The following SGCZ variants were observed in gnomAD, a reference collection of about 807,000 sequenced individuals.
SGCZ encodes the protein sarcoglycan zeta.
A neutral mutation model predicts 41.3 loss-of-function variants in SGCZ; 40 were observed. That is an observed-to-expected ratio of 0.97 (90% confidence interval 0.75 to 1.26). The LOEUF is 1.26. SGCZ is among the 50% of genes most tolerant of loss of function. SGCZ has a pLI of 0.00. For synonymous variants in SGCZ, 206 were observed against 137.5 expected (o/e 1.50, Z -3.49); for missense variants, 552 against 369.8 (o/e 1.49, Z -4.04).
At chr8:15,011,895 T>C (rs1325280524) in intron 1 of SGCZ, among the ~76,000 whole-genome samples, 1 of 152,210 alleles carries the variant, frequency 6.6e-6, no homozygotes. Flanking sequence ...AGTTTATTCT[T>C]TTCTCATTTA....
At chr8:14,125,847 A>G (rs1056750232) in intron 5 of SGCZ, among the ~76,000 whole-genome samples, 1 of 152,180 alleles carries the variant, frequency 6.6e-6, no homozygotes, top group Non-Finnish European at 1.5e-5. Flanking sequence ...GATCTTTGAC[A>G]AACCTGACAA....
At chr8:14,253,882 A>G (rs1406834950) in intron 3 of SGCZ, among the ~76,000 whole-genome samples, 1 of 152,114 alleles carries the variant, frequency 6.6e-6, no homozygotes, top group South Asian at 2.1e-4. Flanking sequence ...AAATAACCAT[A>G]GGACTTTCAA....
intron 1 of SGCZ, among the ~76,000 whole-genome samples, chr8:14,671,370 A>G (rs765404162): frequency 1.3e-5 from 2 of 152,196 alleles, no homozygotes; most frequent in African/African-American, 4.8e-5. Flanking sequence ...CCTTTTATTA[A>G]TAGATGGAAT....
intron 1 of SGCZ, among the ~76,000 whole-genome samples, chr8:15,053,805 T>C (rs1804608259): frequency 6.6e-6 from 1 of 152,200 alleles, no homozygotes; most frequent in Non-Finnish European, 1.5e-5. Flanking sequence ...GCAAAAATTC[T>C]GAAGAAATCA....
At chr8:14,162,135 T>C (rs539613459) in intron 5 of SGCZ, among the ~76,000 whole-genome samples, 4 of 152,222 alleles carry the variant, frequency 2.6e-5, no homozygotes, top group African/African-American at 9.6e-5. Flanking sequence ...AGAAAATGAA[T>C]GTGACCATCT....
chr8:14,722,998 T>A (rs932756888), intron 1 of SGCZ, among the ~76,000 whole-genome samples: 1 of 152,180 alleles, frequency 6.6e-6, no homozygotes, highest in South Asian at 2.1e-4. Flanking sequence ...GTCACGCAGA[T>A]TCTAATTTCA....
chr8:14,445,934 C>T (rs562645686), intron 2 of SGCZ, among the ~76,000 whole-genome samples: 14 of 152,284 alleles, frequency 9.2e-5, no homozygotes, highest in African/African-American at 2.4e-4. Context: ...ATGAAGCTTG[C>T]TCCTGCTGGA....
chr8:14,108,013 A>G lies in SGCZ; in HGVS notation c.620+150T>C, dbSNP rs1048625737. The G allele has an allele frequency of 8.9e-6, 6 of 673,868 alleles. No individual in the cohort carries two copies. In the African/African-American group the frequency reaches 9.2e-5, roughly 10 times the overall value. The allele number at this position is 673,868 out of a possible 1,614,324, so 41.7% of individuals were successfully genotyped here. On this transcript the variant is annotated intron_variant, in intron 6 of 7. Coordinates refer to ENST00000382080, the MANE Select transcript of SGCZ (RefSeq NM_139167.4). Reference sequence around the variant, plus strand: ...GCCTTTGCCTTTTCTTTTTTTTTCCACATTCTTCCTATCTAATATATTCAT... The same window carrying G: ...GCCTTTGCCTTTTCTTTTTTTTTCCGCATTCTTCCTATCTAATATATTCAT...
intron 1 of SGCZ, among the ~76,000 whole-genome samples, chr8:14,773,332 T>A (rs1800306555): frequency 6.6e-6 from 1 of 152,178 alleles, no homozygotes; most frequent in Non-Finnish European, 1.5e-5. Flanking sequence ...CTTCATAAGT[T>A]CTCAAATGTA....
chr8:14,149,353 C>T (rs59887897), intron 5 of SGCZ, among the ~76,000 whole-genome samples: 2,346 of 152,028 alleles, frequency 0.015, 71 homozygotes, highest in African/African-American at 0.054. Flanking sequence ...AATCAACATA[C>T]GAAATTCAGT....
chr8:14,298,294 A>C (rs530151156), intron 3 of SGCZ, among the ~76,000 whole-genome samples: 2 of 152,116 alleles, frequency 1.3e-5, no homozygotes, highest in East Asian at 3.9e-4. Context: ...TTAGATTGGA[A>C]ATAAGATAAA....
intron 1 of SGCZ, among the ~76,000 whole-genome samples, chr8:14,616,236 T>C (rs912993998): frequency 5.3e-5 from 8 of 149,962 alleles, no homozygotes; most frequent in South Asian, 2.1e-4. Context: ...TGAGTGGAGA[T>C]CGCATCACTG....
intron 2 of SGCZ, among the ~76,000 whole-genome samples, chr8:14,528,032 C>T (rs80050798): frequency 6.6e-6 from 1 of 151,880 alleles, no homozygotes; most frequent in African/African-American, 2.4e-5. Flanking sequence ...GAGGTGATGC[C>T]TCAGTCATCT....
chr8:14,661,195 A>C (rs1807737323), intron 1 of SGCZ, among the ~76,000 whole-genome samples: 1 of 152,160 alleles, frequency 6.6e-6, no homozygotes, highest in Admixed American at 6.6e-5. Flanking sequence ...CCGATGGACA[A>C]TAATATACTC....
intron 1 of SGCZ, among the ~76,000 whole-genome samples, chr8:15,215,819 A>AT (rs1328965620): frequency 6.6e-6 from 1 of 152,210 alleles, no homozygotes; most frequent in Non-Finnish European, 1.5e-5. Flanking sequence ...GACAAAACAT[A>AT]TTTTTAAAGT....
intron 1 of SGCZ, among the ~76,000 whole-genome samples, chr8:14,678,295 T>C (rs921158996): frequency 7.9e-5 from 12 of 152,096 alleles, no homozygotes; most frequent in African/African-American, 2.7e-4. Flanking sequence ...GAAAACATAT[T>C]TGAAAAAGGA....
At chr8:15,013,917 A>T (rs7817295) in intron 1 of SGCZ, among the ~76,000 whole-genome samples, 59,964 of 152,030 alleles carry the variant, frequency 0.39, 13,052 homozygotes, top group Non-Finnish European at 0.49. Flanking sequence ...ATGCTTTCTC[A>T]GTTTAATGCT....
chr8:14,220,786 A>AAAACAAACAAACAAACAAAC (rs78591142), intron 4 of SGCZ, among the ~76,000 whole-genome samples: 1 of 150,758 alleles, frequency 6.6e-6, no homozygotes, highest in African/African-American at 2.4e-5. Context: ...TACTCTGCCA[A>AAAACAAACAAACAAACAAAC]AAACAAACAA....
chr8:14,390,366 A>G (rs902015384), intron 2 of SGCZ, among the ~76,000 whole-genome samples: 2 of 151,874 alleles, frequency 1.3e-5, no homozygotes, highest in Non-Finnish European at 2.9e-5. Context: ...CTGTGTTCTA[A>G]TAATTGTAAT....
Sources: gnomAD v4.1 joint callset for allele counts (sites outside exome capture counted in the v4.1 genomes callset) on GRCh38, gnomAD v4.1.1 for gene constraint, MANE v1.5 for transcripts, NCBI Gene and HGNC (gene_info 2026-07-23, HGNC 2026-07-21) for gene names.